CREBBP: variants seen among roughly 807,000 people sequenced by gnomAD.
CREBBP encodes the protein CREB binding lysine acetyltransferase, also known as CREB-binding protein.
In CREBBP, 19 loss-of-function variants were observed where a neutral mutation model predicts 265.0. That is an observed-to-expected ratio of 0.07 (90% CI 0.05 to 0.11). The LOEUF (loss-of-function observed/expected upper bound fraction) is 0.11, where lower values mean the gene tolerates loss of function less well. CREBBP is among the 10% of genes least tolerant of loss of function. The pLI is 1.00. For synonymous variants in CREBBP, 1,457 were observed against 1,223.7 expected, an observed-to-expected ratio of 1.19 and a Z score of -3.98; for missense variants, 2,525 against 3,219.0, an observed-to-expected ratio of 0.78 and a Z score of 5.22.
At chr16:3,799,509 T>A (rs2141305539) in intron 3 of CREBBP, among the ~76,000 whole-genome samples, 1 of 152,308 alleles carries the variant, frequency 6.6e-6, no homozygotes, top group African/African-American at 2.4e-5. Flanking sequence ...GCAACATGTA[T>A]CAAAAAGAAA....
At chr16:3,848,959 G>C (rs1211783451) in intron 2 of CREBBP, among the ~76,000 whole-genome samples, 1 of 152,090 alleles carries the variant, frequency 6.6e-6, no homozygotes, top group Non-Finnish European at 1.5e-5. Flanking sequence ...AAATCCTCTC[G>C]TTTCCGACAT....
intron 28 of CREBBP, among the ~76,000 whole-genome samples, chr16:3,734,595 C>T (rs1003994939): frequency 5.3e-5 from 8 of 152,182 alleles, no homozygotes; most frequent in Non-Finnish European, 1.0e-4. Flanking sequence ...TCACCAGACA[C>T]CAGTGAGACC....
At chr16:3,817,254 C>T (rs2054056188) in intron 2 of CREBBP, among the ~76,000 whole-genome samples, 1 of 152,200 alleles carries the variant, frequency 6.6e-6, no homozygotes, top group Non-Finnish European at 1.5e-5. Flanking sequence ...TGCCCTTACC[C>T]AGAGCTTTCC....
At chr16:3,737,180 G>A (rs1190983185) in intron 26 of CREBBP, among the ~76,000 whole-genome samples, 1 of 152,132 alleles carries the variant, frequency 6.6e-6, no homozygotes, top group Non-Finnish European at 1.5e-5. Context: ...TTCTCCAAGG[G>A]TCAATGTCAA....
intron 2 of CREBBP, among the ~76,000 whole-genome samples, chr16:3,850,087 T>A (rs2054794346): frequency 6.6e-6 from 1 of 152,092 alleles, no homozygotes; most frequent in Non-Finnish European, 1.5e-5. Context: ...CTGCAAGCTG[T>A]CCTACTTCTT....
intron 17 of CREBBP, 91 bp downstream of exon 17, chr16:3,758,763 G>A: frequency 1.0e-6 from 1 of 978,000 alleles, no homozygotes; most frequent in Non-Finnish European, 1.7e-6. Flanking sequence ...CAAGGCAGGG[G>A]GATTATTTTA....
chr16:3,761,197 G>A (rs2052709652), intron 16 of CREBBP, among the ~76,000 whole-genome samples: 3 of 152,118 alleles, frequency 2.0e-5, no homozygotes, highest in Admixed American at 2.0e-4. Context: ...CAGGTGATGT[G>A]ATCTGCTTGC....
At chr16:3,753,872 C>G (rs2052529969) in intron 19 of CREBBP, among the ~76,000 whole-genome samples, 1 of 152,210 alleles carries the variant, frequency 6.6e-6, no homozygotes, top group Non-Finnish European at 1.5e-5. Flanking sequence ...TGAAATGAAA[C>G]TCCCACCGTA....
intron 3 of CREBBP, among the ~76,000 whole-genome samples, chr16:3,802,320 C>T (rs1356628210): frequency 2.6e-5 from 4 of 151,388 alleles, no homozygotes; most frequent in East Asian, 1.9e-4. Context: ...TTAGTAGAGA[C>T]GGGGCTTTAC....
At position 3,849,452 on chromosome 16, in the gene CREBBP, T is replaced by TGTGTG. The variant is rs2054771990; in HGVS notation, c.798+840_798+844dup. On this transcript the variant is annotated intron_variant, in intron 2 of 30. Coordinates refer to ENST00000262367, the MANE Select transcript of CREBBP (RefSeq NM_004380.3). The stretch of plus-strand genomic sequence containing the variant: ...GTGTGTGTGTGTGTGTGTGTGTGTG[T>TGTGTG]GTGTGTGTGTGTGTGTGTGTGTGTG... Among the ~76,000 whole-genome samples the TGTGTG allele has an allele frequency of 2.6e-4, 20 of 76,266 alleles. 1 individual carries two copies. The highest frequency in any genetic ancestry group is 4.3e-4 in the Non-Finnish European group (14 of 32,418). 50.0% of individuals were successfully genotyped at this position (76,266 alleles called of 152,430 possible).
intron 1 of CREBBP, among the ~76,000 whole-genome samples, chr16:3,863,043 A>G (rs911433895): frequency 2.6e-5 from 4 of 152,232 alleles, no homozygotes; most frequent in African/African-American, 9.6e-5. Flanking sequence ...CTATGGTATC[A>G]GGTTAAACTA....
intron 2 of CREBBP, among the ~76,000 whole-genome samples, chr16:3,823,238 T>C (rs993226705): frequency 1.3e-5 from 2 of 152,200 alleles, no homozygotes; most frequent in African/African-American, 4.8e-5. Context: ...CTTAAAGTCG[T>C]TCTCTACTCA....
chr16:3,810,981 C>T (rs964577264), intron 2 of CREBBP, among the ~76,000 whole-genome samples: 1 of 151,954 alleles, frequency 6.6e-6, no homozygotes, highest in Non-Finnish European at 1.5e-5. Flanking sequence ...AACCCCATCC[C>T]GCAAGTAGAC....
At position 3,781,268 on chromosome 16, in the gene CREBBP, T is replaced by C. The variant is rs2141247904; in HGVS notation, c.1612A>G (p.Thr538Ala). Reference sequence around the variant, plus strand: ...ATCAAGTTTGGGGGCTGCTGATCTGTTGTTATTCCTCCTGCTGGAATGTTC... The same window carrying C: ...ATCAAGTTTGGGGGCTGCTGATCTGCTGTTATTCCTCCTGCTGGAATGTTC... ...PMNIPAGGIT[T>A]DQQPPNLISE... is the part of the protein sequence containing the mutation. Residue 538 changes from threonine (T) to alanine (A), a missense_variant, in exon 7 of 31, where the codon ACA becomes GCA. Around this residue, in one of 19 missense-constraint regions of CREBBP, gnomAD observed 144 missense variants for 134.0 expected, o/e 1.07. Coordinates refer to ENST00000262367, the MANE Select transcript of CREBBP (RefSeq NM_004380.3). The C allele has an allele frequency of 1.2e-6, 2 of 1,614,062 alleles. No individual in the cohort carries two copies. The highest frequency in any genetic ancestry group is 1.7e-6 in the Non-Finnish European group (2 of 1,179,932).
At position 3,739,349 on chromosome 16, in the gene CREBBP, G is replaced by A. The variant is rs189550015; in HGVS notation, c.4280+229C>T. The A allele has an allele frequency of 1.9e-5, 11 of 579,508 alleles. No individual in the cohort carries two copies. In the Admixed American group the frequency reaches 3.0e-4, roughly 16 times the overall value. 35.9% of individuals were successfully genotyped at this position (579,508 alleles called of 1,614,324 possible). A position where few individuals can be genotyped will look rare whatever the true frequency, so the allele number is the denominator to read the frequency against. On this transcript the variant is annotated intron_variant, in intron 25 of 30. Coordinates refer to ENST00000262367, the MANE Select transcript of CREBBP (RefSeq NM_004380.3). Reference sequence around the variant, plus strand: ...GTTTACCTGCGTTAGGTAAGAGCGGGTCCCACACAGACTCGCCACACAAAA... The same window carrying A: ...GTTTACCTGCGTTAGGTAAGAGCGGATCCCACACAGACTCGCCACACAAAA...
intron 1 of CREBBP, among the ~76,000 whole-genome samples, chr16:3,861,073 C>G (rs1224068748): frequency 6.6e-6 from 1 of 152,028 alleles, no homozygotes; most frequent in African/African-American, 2.4e-5. Context: ...GAGTTCGAAA[C>G]CAGCCTAGCC....
rs376814421 is a variant in CREBBP, at chr16:3,739,570, A to G, written c.4280+8T>C. Reference sequence around the variant, plus strand: ...AATGACACGCCCTGGAAGGAGCTGGAAAACTACCTCGTGTTTGGAGGGGGG... The same window carrying G: ...AATGACACGCCCTGGAAGGAGCTGGGAAACTACCTCGTGTTTGGAGGGGGG... On this transcript the variant is annotated splice_region_variant and intron_variant, in intron 25 of 30. Transcript: ENST00000262367. 154 of 1,614,216 alleles carry G rather than the reference A, an allele frequency of 9.5e-5. No individual in the cohort carries two copies. The Middle Eastern group carries it at 1.2e-3, about 12-fold the overall frequency.
In CREBBP at chr16:3,727,348, G is replaced by C. The variant is rs1043117934; in HGVS notation, c.*370C>G. The C allele has an allele frequency of 4.4e-5, 12 of 270,296 alleles. No individual in the cohort carries two copies. Among genetic ancestry groups the C allele is most frequent in the Non-Finnish European group, 7.1e-5 (10 of 141,250 alleles). The allele number at this position is 270,296 out of a possible 1,614,324, so 16.7% of individuals were successfully genotyped here. A position where few individuals can be genotyped will look rare whatever the true frequency, so the allele number is the denominator to read the frequency against. ...TTTAAACATAAATGTTTAAAGTCTT[G>C]AAAATACAAATAAAAAATATGAATA... On this transcript the variant is annotated 3_prime_UTR_variant, in exon 31 of 31. Transcript: ENST00000262367.
intron 8 of CREBBP, 24 bp from the exon 9 acceptor site, chr16:3,778,841 A>C (rs2053205648): frequency 6.2e-7 from 1 of 1,603,732 alleles, no homozygotes; most frequent in Admixed American, 1.7e-5. Context: ...ACATCTATCA[A>C]ACTACTTTTT....
Sources: allele counts gnomAD v4.1 joint callset (sites outside exome capture counted in the v4.1 genomes callset), GRCh38; gene constraint gnomAD v4.1.1; regional missense constraint gnomAD v4.1.1; transcripts MANE v1.5; gene names NCBI Gene and HGNC (gene_info 2026-07-23, HGNC 2026-07-21).